AP3S1: variants seen among roughly 807,000 people sequenced by gnomAD.
AP3S1 encodes the protein AP-3 complex subunit sigma-1.
In AP3S1, 12 loss-of-function variants were observed where a neutral mutation model predicts 21.3. The observed-to-expected ratio is 0.56, with a 90% CI of 0.36 to 0.91. The LOEUF (loss-of-function observed/expected upper bound fraction) is 0.91, where lower values mean the gene tolerates loss of function less well. AP3S1 is among the 40% of genes least tolerant of loss of function. The probability of loss-of-function intolerance (pLI) is 0.01; values close to 1 mark genes in which losing one functional copy is unlikely to be tolerated. For missense variants in AP3S1, 116 were observed against 225.0 expected (o/e 0.52, Z 3.10); for synonymous variants, 48 against 78.4 (o/e 0.61, Z 2.05).
At chr5:115,855,396 G>C (rs1255135578) in intron 1 of AP3S1, among the ~76,000 whole-genome samples, 2 of 151,844 alleles carry the variant, frequency 1.3e-5, no homozygotes, top group African/African-American at 4.8e-5. Context: ...CTGGAGTCCG[G>C]TGGTATATCA....
chr5:115,910,390 G>A (rs1311930538), intron 5 of AP3S1, among the ~76,000 whole-genome samples: 1 of 151,924 alleles, frequency 6.6e-6, no homozygotes, highest in East Asian at 1.9e-4. Flanking sequence ...AAGTGAAATT[G>A]CGGGTAAGGG....
Position 115,905,711 on chromosome 5 carries a change from A to G in AP3S1, c.453+2719A>G, listed in dbSNP as rs551451313. Among the ~76,000 whole-genome samples the G allele has an allele frequency of 3.3e-5, 5 of 152,330 alleles. No homozygotes were observed. In the South Asian group the frequency reaches 1.0e-3, roughly 32 times the overall value. On this transcript the variant is annotated intron_variant, in intron 5 of 5. Coordinates refer to ENST00000316788, the MANE Select transcript of AP3S1 (RefSeq NM_001284.4). ...TCCAGCTAGAATGTCAAAAGCTTTCATATGTTTCATGTCCATGTTACTTCA... is the reference window on the plus strand; with the variant it reads ...TCCAGCTAGAATGTCAAAAGCTTTCGTATGTTTCATGTCCATGTTACTTCA...
At chr5:115,890,137 C>G (rs942185463) in intron 3 of AP3S1, among the ~76,000 whole-genome samples, 1 of 152,164 alleles carries the variant, frequency 6.6e-6, no homozygotes, top group African/African-American at 2.4e-5. Context: ...CCTAGCAGTT[C>G]TACTCCAAGT....
intron 1 of AP3S1, among the ~76,000 whole-genome samples, chr5:115,866,278 C>T (rs1020144284): frequency 6.6e-6 from 1 of 152,116 alleles, no homozygotes; most frequent in Non-Finnish European, 1.5e-5. Context: ...TTCTTTCCTC[C>T]ATTCAAATAT....
chr5:115,845,970 T>C (rs987263907), intron 1 of AP3S1, among the ~76,000 whole-genome samples: 2 of 152,002 alleles, frequency 1.3e-5, no homozygotes, highest in Non-Finnish European at 2.9e-5. Context: ...TTGGTTTGTC[T>C]TTTTAAGTTG....
intron 3 of AP3S1, among the ~76,000 whole-genome samples, chr5:115,881,101 G>T (rs1034830934): frequency 6.6e-6 from 1 of 151,840 alleles, no homozygotes; most frequent in East Asian, 1.9e-4. Flanking sequence ...GTCTTTGCAC[G>T]TGAAGGGGTC....
At chr5:115,862,697 T>A (rs1763293547) in intron 1 of AP3S1, among the ~76,000 whole-genome samples, 3 of 152,228 alleles carry the variant, frequency 2.0e-5, no homozygotes, top group Admixed American at 2.0e-4. Context: ...GCAATTTGTC[T>A]CTCTAGTAAA....
chr5:115,904,687 A>C (rs1751493312), intron 5 of AP3S1, among the ~76,000 whole-genome samples: 1 of 152,222 alleles, frequency 6.6e-6, no homozygotes, highest in East Asian at 1.9e-4. Flanking sequence ...TCATAATTTA[A>C]TTTAGTATAA....
At chr5:115,907,352 A>G (rs1580749675) in intron 5 of AP3S1, among the ~76,000 whole-genome samples, 1 of 152,246 alleles carries the variant, frequency 6.6e-6, no homozygotes, top group South Asian at 2.1e-4. Flanking sequence ...AGAGTTTTGC[A>G]TACAAAATGG....
At chr5:115,850,033 C>T (rs1184153228) in intron 1 of AP3S1, among the ~76,000 whole-genome samples, 1 of 152,080 alleles carries the variant, frequency 6.6e-6, no homozygotes, top group Non-Finnish European at 1.5e-5. Flanking sequence ...CCATTTTTTT[C>T]TTAGCTTATT....
At chr5:115,855,983 C>T (rs1159920230) in intron 1 of AP3S1, among the ~76,000 whole-genome samples, 2 of 151,932 alleles carry the variant, frequency 1.3e-5, no homozygotes, top group African/African-American at 2.4e-5. Flanking sequence ...TAGTGGGTTT[C>T]TGTTTTTTTT....
intron 4 of AP3S1, among the ~76,000 whole-genome samples, chr5:115,896,107 T>C (rs1242697061): frequency 6.6e-6 from 1 of 152,194 alleles, no homozygotes; most frequent in Non-Finnish European, 1.5e-5. Context: ...GTGTGATTTT[T>C]AAAAATTGGC....
At chr5:115,843,497 C>A (rs911206616) in intron 1 of AP3S1, among the ~76,000 whole-genome samples, 3 of 152,132 alleles carry the variant, frequency 2.0e-5, no homozygotes, top group African/African-American at 7.2e-5. Context: ...AATTCTACAT[C>A]ATTCTTTAAT....
chr5:115,894,510 C>A (rs1750579443), intron 3 of AP3S1, among the ~76,000 whole-genome samples: 1 of 152,170 alleles, frequency 6.6e-6, no homozygotes, highest in Non-Finnish European at 1.5e-5. Flanking sequence ...TGAAAACAGT[C>A]CATTTATGGG....
At chr5:115,846,409 G>A (rs770931767) in intron 1 of AP3S1, among the ~76,000 whole-genome samples, 2 of 152,116 alleles carry the variant, frequency 1.3e-5, no homozygotes, top group African/African-American at 2.4e-5. Context: ...GCATGTGTGT[G>A]TACACACCAC....
At chr5:115,869,994 A>G (rs1160998580) in intron 2 of AP3S1, 23 bp from the exon 3 acceptor site, 2 of 1,336,150 alleles carry the variant, frequency 1.5e-6, no homozygotes, top group East Asian at 2.4e-5. Context: ...TTCCAATAAC[A>G]TTACAATTTT....
intron 1 of AP3S1, among the ~76,000 whole-genome samples, chr5:115,848,002 T>C (rs1056951323): frequency 6.6e-6 from 1 of 152,226 alleles, no homozygotes; most frequent in Non-Finnish European, 1.5e-5. Context: ...GACTAAACCT[T>C]TTGAATATTT....
intron 3 of AP3S1, among the ~76,000 whole-genome samples, chr5:115,879,512 G>C (rs183610340): frequency 6.6e-6 from 1 of 152,094 alleles, no homozygotes; most frequent in African/African-American, 2.4e-5. Flanking sequence ...ATTGATTTGC[G>C]TATGTTAAAC....
intron 4 of AP3S1, among the ~76,000 whole-genome samples, chr5:115,897,522 A>G (rs1750854070): frequency 6.6e-6 from 1 of 152,008 alleles, no homozygotes; most frequent in Non-Finnish European, 1.5e-5. Context: ...GCAGCTCTGG[A>G]CCTTCCAGCA....
Sources: allele counts gnomAD v4.1 joint callset (sites outside exome capture counted in the v4.1 genomes callset), GRCh38; gene constraint gnomAD v4.1.1; transcripts MANE v1.5; gene names NCBI Gene and HGNC (gene_info 2026-07-23, HGNC 2026-07-21).